Variants in TTC4 observed in about 807,000 individuals in gnomAD.
The protein encoded by TTC4 is hsp70/Hsp90 co-chaperone CNS1 homolog.
A neutral mutation model predicts 51.9 loss-of-function variants in TTC4; 36 were observed. The observed-to-expected ratio is 0.69, with a 90% CI of 0.53 to 0.92. TTC4 has a LOEUF of 0.92. Among genes scored for constraint, TTC4 ranks in the 40% least tolerant of loss-of-function variants. The pLI, the probability that TTC4 is intolerant of heterozygous loss-of-function variation, is 0.00. For missense variants in TTC4, 399 were observed against 454.6 expected (o/e 0.88, Z 1.11); for synonymous variants, 144 against 164.2 (o/e 0.88, Z 0.94).
intron 8 of TTC4, among the ~76,000 whole-genome samples, chr1:54,736,268 G>GTGTGTGTGTGTGTGTGTA (rs1557753179): frequency 8.5e-6 from 1 of 117,980 alleles, no homozygotes; most frequent in African/African-American, 4.2e-5. Flanking sequence ...GAGAGAGAGA[G>GTGTGTGTGTGTGTGTGTA]AGACCATGAA....
chr1:54,731,490 G>A lies in TTC4; in HGVS notation c.686G>A (p.Arg229Lys). The A allele has an allele frequency of 6.2e-7, 1 of 1,613,868 alleles. No homozygotes were observed. Among genetic ancestry groups the A allele is most frequent in the South Asian group, 1.1e-5 (1 of 91,068 alleles). ...GTGTTTCTGTCTTTAACCCAGGCTAGGAATATCAGGCTCTCAGAAGCTGCC... is the reference window on the plus strand; with the variant it reads ...GTGTTTCTGTCTTTAACCCAGGCTAAGAATATCAGGCTCTCAGAAGCTGCC... ...NEALLQAIKA[R>K]NIRLSEAACE... Residue 229 changes from arginine to lysine, a missense_variant, in exon 7 of 10, where the codon AGG becomes AAG. Around this residue, in one of 3 missense-constraint regions of TTC4, gnomAD observed 316 missense variants for 349.6 expected, o/e 0.90. Coordinates refer to ENST00000371281, the MANE Select transcript of TTC4 (RefSeq NM_004623.5).
intron 5 of TTC4, among the ~76,000 whole-genome samples, chr1:54,725,491 C>A (rs1645788582): frequency 6.6e-6 from 1 of 152,156 alleles, no homozygotes; most frequent in Non-Finnish European, 1.5e-5. Flanking sequence ...AGACCCTAAG[C>A]TCTCAGAGTC....
In TTC4 at chr1:54,741,398, G is replaced by T; in HGVS notation, c.1062-13G>T. ...TTAAATTAACACCCTCTCTTTTGTT[G>T]TGTTCACGGCAGGTACTTTGTAAAA... is the stretch of plus-strand genomic sequence containing the variant. On this transcript the variant is annotated splice_polypyrimidine_tract_variant and intron_variant, in intron 9 of 9. Transcript: ENST00000371281. The T allele has an allele frequency of 6.2e-7, 1 of 1,606,904 alleles. No homozygotes were observed. The highest frequency in any genetic ancestry group is 1.3e-5 in the African/African-American group (1 of 74,902).
At position 54,717,484 on chromosome 1, in the gene TTC4, C is replaced by G; in HGVS notation, c.230-8C>G. The G allele has an allele frequency of 1.3e-6, 2 of 1,511,462 alleles. No homozygotes were observed. Among genetic ancestry groups the G allele is most frequent in the Non-Finnish European group, 1.8e-6 (2 of 1,133,674 alleles). 93.6% of individuals were successfully genotyped at this position (1,511,462 alleles called of 1,614,324 possible). On this transcript the variant is annotated splice_region_variant and splice_polypyrimidine_tract_variant and intron_variant, in intron 2 of 9. Transcript: ENST00000371281. ...AGCAATAGTGATTATTTTTCCTCTT[C>G]TTTGCAGAACAGGCCAAGACCTATA...
At chr1:54,732,904 G>A (rs143699367) in intron 7 of TTC4, among the ~76,000 whole-genome samples, 7 of 151,302 alleles carry the variant, frequency 4.6e-5, no homozygotes, top group African/African-American at 1.7e-4. Context: ...TGGCAAACAT[G>A]GCAAAATCCC....
At chr1:54,732,493 C>G (rs1645879520) in intron 7 of TTC4, among the ~76,000 whole-genome samples, 1 of 147,238 alleles carries the variant, frequency 6.8e-6, no homozygotes. Flanking sequence ...AAGTCTCGCT[C>G]TGTTGCCCAG....
chr1:54,723,876 A>G (rs1645771874), intron 5 of TTC4, among the ~76,000 whole-genome samples: 2 of 152,202 alleles, frequency 1.3e-5, no homozygotes, highest in African/African-American at 4.8e-5. Flanking sequence ...AATGTCATAT[A>G]TCATCAGCAA....
rs570330015 is a variant in TTC4, at chr1:54,738,089, C to T, written c.1061+425C>T. 1.2e-3 allele frequency among the ~76,000 whole-genome samples: 189 copies of T among 152,146 alleles called. 1 individual carries two copies. The highest frequency in any genetic ancestry group is 4.3e-3 in the African/African-American group (179 of 41,522). On this transcript the variant is annotated intron_variant, in intron 9 of 9. Coordinates refer to ENST00000371281, the MANE Select transcript of TTC4 (RefSeq NM_004623.5). ...CTAACTTTTGTATTTTTAGTAGAGA[C>T]GGGGTTTCACCATGTTGGCCAGGCT...
chr1:54,727,055 C>CAAAAAA (rs56739564), intron 5 of TTC4, among the ~76,000 whole-genome samples: 1 of 102,920 alleles, frequency 9.7e-6, no homozygotes. Flanking sequence ...TCATGAAAGA[C>CAAAAAA]AAAAAAAAAA....
chr1:54,728,294 T>C, intron 5 of TTC4, 52 bp from the exon 6 acceptor site: 1 of 1,539,352 alleles, frequency 6.5e-7, no homozygotes. Context: ...GCTAGTGCAA[T>C]AGAAGAGGAA....
chr1:54,739,050 T>TTTA (rs58779479), intron 9 of TTC4, among the ~76,000 whole-genome samples: 1 of 151,712 alleles, frequency 6.6e-6, no homozygotes, highest in African/African-American at 2.4e-5. Flanking sequence ...TTTTTTTTTT[T>TTTA]AAATAGAGAT....
intron 8 of TTC4, among the ~76,000 whole-genome samples, 176 bp downstream of exon 8, chr1:54,733,886 C>T (rs1439300978): frequency 6.6e-6 from 1 of 150,404 alleles, no homozygotes; most frequent in Non-Finnish European, 1.5e-5. Flanking sequence ...GCATTAAGTA[C>T]ATTCACATTG....
At chr1:54,716,133 G>A in intron 1 of TTC4, 114 bp downstream of exon 1, 2 of 854,852 alleles carry the variant, frequency 2.3e-6, no homozygotes, top group Non-Finnish European at 3.7e-6. Context: ...CCAGCCGATC[G>A]CTGGTTTCTA....
At chr1:54,741,379 T>TAACA in intron 9 of TTC4, 32 bp from the exon 10 acceptor site, 1 of 1,560,650 alleles carries the variant, frequency 6.4e-7, no homozygotes, top group Non-Finnish European at 8.8e-7. Flanking sequence ...GTAATTAAAT[T>TAACA]AACACCCTCT....
At chr1:54,731,761 G>A in intron 7 of TTC4, 61 bp downstream of exon 7, 1 of 1,522,706 alleles carries the variant, frequency 6.6e-7, no homozygotes, top group South Asian at 1.2e-5. Flanking sequence ...TTTTGTGGCA[G>A]GAGGGACGAG....
chr1:54,730,977 G>A (rs1645858783), intron 6 of TTC4, among the ~76,000 whole-genome samples: 3 of 151,902 alleles, frequency 2.0e-5, no homozygotes, highest in African/African-American at 7.3e-5. Flanking sequence ...ATCGTCTATG[G>A]TACTACAACT....
chr1:54,727,813 A>C (rs1645819667), intron 5 of TTC4, among the ~76,000 whole-genome samples: 3 of 152,180 alleles, frequency 2.0e-5, no homozygotes, highest in South Asian at 2.1e-4. Context: ...CAGGTAACTC[A>C]GTTTTTTAAA....
intron 5 of TTC4, among the ~76,000 whole-genome samples, chr1:54,724,636 T>C (rs961971439): frequency 6.6e-6 from 1 of 152,198 alleles, no homozygotes; most frequent in Non-Finnish European, 1.5e-5. Context: ...ATTCTAAATG[T>C]GTAGGCACCT....
Position 54,741,259 on chromosome 1 carries a change from C to T in TTC4, c.1062-152C>T, listed in dbSNP as rs540227606. 9.3e-6 allele frequency: 7 copies of T among 755,118 alleles called. No individual in the cohort carries two copies. The African/African-American group carries it at 1.0e-4, about 11-fold the overall frequency. 46.8% of individuals were successfully genotyped at this position (755,118 alleles called of 1,614,324 possible). A position where few individuals can be genotyped will look rare whatever the true frequency, so the allele number is the denominator to read the frequency against. Reference sequence around the variant, plus strand: ...AGGATGAGAATGTCATGCTAATTTGCCAGATTTATGAACAACCACATAACT... The same window carrying T: ...AGGATGAGAATGTCATGCTAATTTGTCAGATTTATGAACAACCACATAACT... On this transcript the variant is annotated intron_variant, in intron 9 of 9. Transcript: ENST00000371281.
Sources: allele counts gnomAD v4.1 joint callset (sites outside exome capture counted in the v4.1 genomes callset), GRCh38; gene constraint gnomAD v4.1.1; regional missense constraint gnomAD v4.1.1; transcripts MANE v1.5; gene names NCBI Gene and HGNC (gene_info 2026-07-23, HGNC 2026-07-21).